Variants in TMEM269 observed in about 807,000 individuals in gnomAD.
TMEM269 encodes the protein transmembrane protein 269.
In TMEM269, 12 loss-of-function variants were observed where a neutral mutation model predicts 15.8. The ratio of observed to expected loss-of-function variants is 0.76; its 90% CI spans 0.49 to 1.23. The LOEUF (loss-of-function observed/expected upper bound fraction) is 1.23. Ranked by LOEUF, TMEM269 falls within the 50% of genes most tolerant of loss-of-function variation. The pLI, the probability that TMEM269 is intolerant of heterozygous loss-of-function variation, is 0.00. For synonymous variants in TMEM269, 93 were observed against 99.3 expected, an observed-to-expected ratio of 0.94 and a Z score of 0.38; for missense variants, 211 against 245.4, an observed-to-expected ratio of 0.86 and a Z score of 0.94.
Position 42,790,340 on chromosome 1 carries a change from TG to T in TMEM269, c.41+407del, listed in dbSNP as rs200488187. ...TTCTGTAAGTTGAATCCCATTTCAATGTTTTTGGGATGTCAGTCCTTTAAAG... is the reference window on the plus strand; with the variant it reads ...TTCTGTAAGTTGAATCCCATTTCAATTTTTTGGGATGTCAGTCCTTTAAAG... On this transcript the variant is annotated intron_variant, in intron 2 of 5. Coordinates refer to ENST00000637012, the MANE Select transcript of TMEM269 (RefSeq NM_001354602.2). 3.6e-3 allele frequency among the ~76,000 whole-genome samples: 550 copies of T among 152,338 alleles called. 6 individuals carry two copies. Among genetic ancestry groups the T allele is most frequent in the South Asian group, 0.032 (156 of 4,830 alleles).
chr1:42,791,956 C>G (rs1481524638), intron 2 of TMEM269, among the ~76,000 whole-genome samples: 2 of 152,064 alleles, frequency 1.3e-5, no homozygotes, highest in Admixed American at 6.5e-5. Flanking sequence ...GAGTGGAGAT[C>G]GTGCCACTGC....
chr1:42,791,467 C>T (rs1251505437), intron 2 of TMEM269, among the ~76,000 whole-genome samples: 1 of 152,042 alleles, frequency 6.6e-6, no homozygotes, highest in African/African-American at 2.4e-5. Context: ...CTAAATGACA[C>T]GTGGATAAAA....
In TMEM269 at chr1:42,789,922, T is replaced by G. The variant is rs1020823188; in HGVS notation, c.29T>G (p.Phe10Cys). MVLGLFSII[F>C]SFSRKCHYAS... ...GTGCTGGGGCTCTTCTCCATCATCT[T>G]CAGCTTCAGCAGGTAGGTCTGGGGC... is the stretch of plus-strand genomic sequence containing the variant. Residue 10 changes from phenylalanine to cysteine, a missense_variant, in exon 2 of 6, where the codon TTC (phenylalanine) becomes TGC (cysteine). Physicochemically the swap from Phe to Cys is radical, Grantham distance 205. Transcript: ENST00000637012. 4.5e-6 allele frequency: 7 copies of G among 1,550,368 alleles called. No individual in the cohort carries two copies. In the African/African-American group the frequency reaches 6.8e-5, roughly 15 times the overall value.
chr1:42,785,965 T>C lies in TMEM269; in HGVS notation c.-99+883T>C, dbSNP rs1416945636. Among the ~76,000 whole-genome samples, 8 of 152,196 alleles carry C rather than the reference T, an allele frequency of 5.3e-5. No homozygotes were observed. The East Asian group carries it at 9.7e-4, about 18-fold the overall frequency. The stretch of plus-strand genomic sequence containing the variant: ...GAGCTGCTGGAGTGTGCGGCCTGGC[T>C]CTTGTTCTCCTCATCCCCCACCCCA... On this transcript the variant is annotated intron_variant, in intron 1 of 5. Coordinates refer to ENST00000637012, the MANE Select transcript of TMEM269 (RefSeq NM_001354602.2).
rs1032990715 is a variant in TMEM269, at chr1:42,787,569, C to T, written c.-98-2227C>T. ...GAGCCGAGATTGTGCCACTGCAGTC[C>T]GCAGTCCGGCCTGGGCGACAGAGCG... On this transcript the variant is annotated intron_variant, in intron 1 of 5. Coordinates refer to ENST00000637012, the MANE Select transcript of TMEM269 (RefSeq NM_001354602.2). 4.7e-5 allele frequency among the ~76,000 whole-genome samples: 6 copies of T among 128,060 alleles called. No individual in the cohort carries two copies. The East Asian group carries it at 9.5e-4, about 20-fold the overall frequency. The allele number at this position is 128,060 out of a possible 152,430, so 84.0% of individuals were successfully genotyped here. A position where few individuals can be genotyped will look rare whatever the true frequency, so the allele number is the denominator to read the frequency against.
Position 42,793,651 on chromosome 1 carries a change from G to T in TMEM269, c.190G>T (p.Ala64Ser), listed in dbSNP as rs926584310. ...CTTCACCACCTTCGGCTTGGCCTCCGCTCTGCTCCTAGGCGTGGATGGACT... is the reference window on the plus strand; with the variant it reads ...CTTCACCACCTTCGGCTTGGCCTCCTCTCTGCTCCTAGGCGTGGATGGACT... Reference protein sequence around the residue: ...AVFTTFGLASALLLGVDGLLS... With the variant: ...AVFTTFGLASSLLLGVDGLLS... Residue 64 changes from alanine to serine, a missense_variant, in exon 4 of 6, where the codon GCT becomes TCT. Ala to Ser is a moderately conservative substitution (Grantham distance 99, BLOSUM62 1). Coordinates refer to ENST00000637012, the MANE Select transcript of TMEM269 (RefSeq NM_001354602.2). 2 of 1,550,406 alleles carry T rather than the reference G, an allele frequency of 1.3e-6. No homozygotes were observed. Among genetic ancestry groups the T allele is most frequent in the Non-Finnish European group, 1.7e-6 (2 of 1,146,972 alleles).
chr1:42,791,655 G>A (rs1653687709), intron 2 of TMEM269, among the ~76,000 whole-genome samples: 1 of 152,150 alleles, frequency 6.6e-6, no homozygotes, highest in Admixed American at 6.5e-5. Context: ...TTTAACCTTA[G>A]GAAACTAGAA....
Position 42,793,597 on chromosome 1 carries a change from G to A in TMEM269, c.140-4G>A. On this transcript the variant is annotated splice_polypyrimidine_tract_variant and splice_region_variant and intron_variant, in intron 3 of 5. Coordinates refer to ENST00000637012, the MANE Select transcript of TMEM269 (RefSeq NM_001354602.2). ...TTCTTCTAACCTTGGGCCGTCTGGG[G>A]CAGGAGCCGAGCTGAATGACTTTGC... is the stretch of plus-strand genomic sequence containing the variant. 1.9e-6 allele frequency: 3 copies of A among 1,548,596 alleles called. No homozygotes were observed. In the South Asian group the frequency reaches 3.6e-5, roughly 18 times the overall value.
chr1:42,789,474 G>T (rs1653640877), intron 1 of TMEM269: 1 of 1,535,448 alleles, frequency 6.5e-7, no homozygotes, highest in African/African-American at 1.4e-5. Flanking sequence ...TGGGCCATGG[G>T]GCTTCAGGAG....
chr1:42,794,323 A>G, intron 4 of TMEM269, 90 bp from the exon 5 acceptor site: 1 of 900,564 alleles, frequency 1.1e-6, no homozygotes, highest in Non-Finnish European at 1.7e-6. Flanking sequence ...TATCCTGGGT[A>G]GGGGAATACC....
chr1:42,790,207 T>C (rs1354576822), intron 2 of TMEM269, among the ~76,000 whole-genome samples: 1 of 152,244 alleles, frequency 6.6e-6, no homozygotes, highest in Non-Finnish European at 1.5e-5. Flanking sequence ...ACAGTTCATA[T>C]TTTCTAATTC....
Position 42,793,670 on chromosome 1 carries a change from A to T in TMEM269, c.209A>T (p.Asp70Val). The change falls in exon 4 of 6, where the codon GAT (aspartate) becomes GTT (valine). Residue 70 changes from aspartate (D) to valine (V), a missense_variant. Transcript: ENST00000637012. ...GCCTCCGCTCTGCTCCTAGGCGTGGATGGACTTCTGAGTGGGATCCTGGCC... is the reference window on the plus strand; with the variant it reads ...GCCTCCGCTCTGCTCCTAGGCGTGGTTGGACTTCTGAGTGGGATCCTGGCC... Reference protein sequence around the residue: ...GLASALLLGVDGLLSGILAII... With the variant: ...GLASALLLGVVGLLSGILAII... 1 of 1,550,578 alleles carries T rather than the reference A, an allele frequency of 6.4e-7. No homozygotes were observed. The highest frequency in any genetic ancestry group is 8.7e-7 in the Non-Finnish European group (1 of 1,146,978).
chr1:42,792,553 A>G (rs1570505368), intron 2 of TMEM269, among the ~76,000 whole-genome samples: 1 of 152,056 alleles, frequency 6.6e-6, no homozygotes, highest in African/African-American at 2.4e-5. Flanking sequence ...GGTTTGGGGC[A>G]CCCCTTTAAG....
rs1653757545 is a variant in TMEM269, at chr1:42,794,509, G to C, written c.380G>C (p.Cys127Ser). 2 of 1,550,722 alleles carry C rather than the reference G, an allele frequency of 1.3e-6. No homozygotes were observed. The highest frequency in any genetic ancestry group is 1.7e-6 in the Non-Finnish European group (2 of 1,146,990). ...LLTKGNRFILCCMASLMILFM... is the reference protein window; with the variant it reads ...LLTKGNRFILSCMASLMILFM... ...ACCAAAGGCAACAGGTTCATCCTCT[G>C]CTGCATGGCCTCACTCATGATTCTC... The change falls in exon 5 of 6, where the codon TGC (cysteine) becomes TCC (serine). Residue 127 changes from cysteine to serine, a missense_variant. Transcript: ENST00000637012.
intron 2 of TMEM269, among the ~76,000 whole-genome samples, chr1:42,792,061 G>A (rs965784599): frequency 2.6e-5 from 4 of 151,886 alleles, no homozygotes; most frequent in Non-Finnish European, 4.4e-5. Context: ...AATTAATAGA[G>A]AAAAATGGAT....
chr1:42,789,083 C>T (rs531840548), intron 1 of TMEM269, among the ~76,000 whole-genome samples: 7 of 152,138 alleles, frequency 4.6e-5, no homozygotes, highest in African/African-American at 7.2e-5. Flanking sequence ...CCGCCACACC[C>T]GGCTAATTTT....
chr1:42,797,532 A>T lies in TMEM269; in HGVS notation c.485-566A>T, dbSNP rs1177862578. On this transcript the variant is annotated intron_variant, in intron 5 of 5. Transcript: ENST00000637012. The surrounding 1 kb of genome is among the most constrained non-coding windows in gnomAD (Gnocchi z 4.9). ...TCCCAGAAGGAAACCAGGTGTTACC[A>T]CCGTGCTTATATGGACAGTCTAGGA... Among the ~76,000 whole-genome samples, 4 of 152,212 alleles carry T rather than the reference A, an allele frequency of 2.6e-5. No individual in the cohort carries two copies. The highest frequency in any genetic ancestry group is 2.1e-4 in the South Asian group (1 of 4,834).
rs958693318 is a variant in TMEM269, at chr1:42,788,550, GTGGGAGAGAC to G, written c.-98-1229_-98-1220del. ...GGGCAGGGCCAGCCAATTCCCTGTT[GTGGGAGAGAC>G]TGGGAGAGACTGGGAGCACTGGGGG... On this transcript the variant is annotated intron_variant, in intron 1 of 5. Coordinates refer to ENST00000637012, the MANE Select transcript of TMEM269 (RefSeq NM_001354602.2). This position sits in a 1 kb window ranked among gnomAD's most constrained non-coding sequence, Gnocchi z 4.0. Among the ~76,000 whole-genome samples the G allele has an allele frequency of 6.6e-6, 1 of 152,158 alleles. No individual in the cohort carries two copies. The highest frequency in any genetic ancestry group is 2.1e-4 in the South Asian group (1 of 4,820).
intron 2 of TMEM269, among the ~76,000 whole-genome samples, chr1:42,791,092 A>G (rs1274221001): frequency 6.6e-6 from 1 of 152,202 alleles, no homozygotes; most frequent in Non-Finnish European, 1.5e-5. Flanking sequence ...ATCAAAATAC[A>G]TGAGGCAAAA....
Sources: allele counts gnomAD v4.1 joint callset (sites outside exome capture counted in the v4.1 genomes callset), GRCh38; gene constraint gnomAD v4.1.1; non-coding constraint Gnocchi (gnomAD v3.1); transcripts MANE v1.5; gene names NCBI Gene and HGNC (gene_info 2026-07-23, HGNC 2026-07-21).